TACR3: variants seen among roughly 807,000 people sequenced by gnomAD.
TACR3 encodes the protein tachykinin receptor 3.
Under a neutral mutation model 35.0 loss-of-function variants are expected in TACR3, and 34 were observed. That is an observed-to-expected ratio of 0.97 (90% CI 0.74 to 1.30). TACR3 has a LOEUF of 1.30. Among genes scored for constraint, TACR3 ranks in the 50% most tolerant of loss-of-function variants. The probability of loss-of-function intolerance (pLI) is 0.00; values close to 1 mark genes in which losing one functional copy is unlikely to be tolerated. For synonymous variants in TACR3, 233 were observed against 221.1 expected (o/e 1.05, Z -0.48); for missense variants, 558 against 591.7 (o/e 0.94, Z 0.59).
intron 1 of TACR3, among the ~76,000 whole-genome samples, chr4:103,708,295 G>A (rs1200737993): frequency 2.6e-5 from 4 of 151,506 alleles, no homozygotes; most frequent in Admixed American, 1.3e-4. Flanking sequence ...GTACCACTCT[G>A]AGATGAAGCT....
chr4:103,604,693 G>GA (rs974722779), intron 3 of TACR3, among the ~76,000 whole-genome samples: 5 of 151,210 alleles, frequency 3.3e-5, no homozygotes, highest in South Asian at 2.1e-4. Flanking sequence ...AAATTTACAA[G>GA]AAAAAAAACA....
intron 3 of TACR3, among the ~76,000 whole-genome samples, chr4:103,599,081 C>T (rs184348647): frequency 0.033 from 5,088 of 152,270 alleles, 322 homozygotes; most frequent in African/African-American, 0.12. Context: ...TCTTCCTACC[C>T]ATGAACATGG....
chr4:103,658,461 G>C, intron 1 of TACR3, 58 bp from the exon 2 acceptor site: 2 of 1,516,516 alleles, frequency 1.3e-6, no homozygotes, highest in Non-Finnish European at 1.8e-6. Flanking sequence ...AGTTTGAAAT[G>C]GAGTTTCAAA....
At chr4:103,604,083 A>G (rs1364997981) in intron 3 of TACR3, among the ~76,000 whole-genome samples, 3 of 152,202 alleles carry the variant, frequency 2.0e-5, no homozygotes. Flanking sequence ...TATCTCCAAG[A>G]CAATCCTAAG....
intron 3 of TACR3, among the ~76,000 whole-genome samples, chr4:103,642,514 G>A (rs1299680797): frequency 6.6e-6 from 1 of 151,750 alleles, no homozygotes; most frequent in Non-Finnish European, 1.5e-5. Context: ...CAGCAACATA[G>A]ATGGAACTGG....
At chr4:103,679,024 A>G (rs1044940923) in intron 1 of TACR3, among the ~76,000 whole-genome samples, 8 of 151,972 alleles carry the variant, frequency 5.3e-5, no homozygotes, top group African/African-American at 1.7e-4. Context: ...GAAAGTTCAC[A>G]CCAAATTATT....
intron 1 of TACR3, among the ~76,000 whole-genome samples, chr4:103,663,232 A>T (rs1418353885): frequency 2.0e-5 from 3 of 152,020 alleles, no homozygotes; most frequent in African/African-American, 4.8e-5. Flanking sequence ...AGTGGCTCAC[A>T]CCTGTAACCC....
At chr4:103,626,900 C>T (rs553059062) in intron 3 of TACR3, among the ~76,000 whole-genome samples, 22 of 151,840 alleles carry the variant, frequency 1.4e-4, no homozygotes, top group African/African-American at 4.3e-4. Flanking sequence ...TGGGGCCGAG[C>T]GCGGTAGCTC....
At chr4:103,700,711 T>C (rs536778908) in intron 1 of TACR3, among the ~76,000 whole-genome samples, 1 of 152,304 alleles carries the variant, frequency 6.6e-6, no homozygotes, top group Admixed American at 6.5e-5. Context: ...CAAGATCAAG[T>C]GGGCTTCATC....
At chr4:103,702,391 T>G (rs751148018) in intron 1 of TACR3, among the ~76,000 whole-genome samples, 1 of 152,018 alleles carries the variant, frequency 6.6e-6, no homozygotes, top group Non-Finnish European at 1.5e-5. Flanking sequence ...CATTAAAAAG[T>G]CAGGAAACAA....
intron 3 of TACR3, among the ~76,000 whole-genome samples, chr4:103,637,004 G>C (rs1725208956): frequency 6.6e-6 from 1 of 152,050 alleles, no homozygotes; most frequent in South Asian, 2.1e-4. Flanking sequence ...AATTCTACCA[G>C]AGGTACAAGG....
At position 103,621,279 on chromosome 4, in the gene TACR3, C is replaced by A. The variant is rs182625250; in HGVS notation, c.889-29596G>T. Among the ~76,000 whole-genome samples, 199 of 152,238 alleles carry A rather than the reference C, an allele frequency of 1.3e-3. 2 individuals carry two copies. The highest frequency in any genetic ancestry group is 4.6e-3 in the African/African-American group (192 of 41,526). On this transcript the variant is annotated intron_variant, in intron 3 of 4. Coordinates refer to ENST00000304883, the MANE Select transcript of TACR3 (RefSeq NM_001059.3). ...AAACTCATGCCTCCTTCTAGTATTA[C>A]GAATAGTTTCGCTGAGTGGGATGTA...
chr4:103,713,853 AG>A (rs1723027094), intron 1 of TACR3, among the ~76,000 whole-genome samples: 1 of 152,134 alleles, frequency 6.6e-6, no homozygotes, highest in African/African-American at 2.4e-5. Flanking sequence ...CTAAGGAGGA[AG>A]GATATCAGAA....
At chr4:103,678,141 T>C (rs1232143509) in intron 1 of TACR3, among the ~76,000 whole-genome samples, 1 of 152,144 alleles carries the variant, frequency 6.6e-6, no homozygotes, top group Non-Finnish European at 1.5e-5. Context: ...GCTCAGTGAT[T>C]CAAGGATTAA....
At chr4:103,683,560 G>A (rs1722153220) in intron 1 of TACR3, among the ~76,000 whole-genome samples, 1 of 149,186 alleles carries the variant, frequency 6.7e-6, no homozygotes, top group Non-Finnish European at 1.5e-5. Flanking sequence ...AGAGAAACAG[G>A]CATTCAAAAA....
chr4:103,598,803 A>G (rs952266890), intron 3 of TACR3, among the ~76,000 whole-genome samples: 16 of 152,060 alleles, frequency 1.1e-4, no homozygotes, highest in Non-Finnish European at 2.2e-4. Context: ...GTTCTGTTCC[A>G]TTGGTCTATA....
intron 3 of TACR3, among the ~76,000 whole-genome samples, chr4:103,622,902 AAGAAACTACACTTCCAAAAATAAAAT>A (rs1724814027): frequency 6.6e-6 from 1 of 152,174 alleles, no homozygotes; most frequent in Non-Finnish European, 1.5e-5. Context: ...ACCCAATTTT[AAGAAACTACACTTCCAAAAATAAAAT>A]AAAATGCATG....
At chr4:103,594,273 G>A (rs1044571487) in intron 3 of TACR3, among the ~76,000 whole-genome samples, 3 of 151,860 alleles carry the variant, frequency 2.0e-5, no homozygotes, top group Admixed American at 6.6e-5. Flanking sequence ...TGCCTCCCGG[G>A]TTCAAGTAAT....
chr4:103,642,685 A>G (rs532241021), intron 3 of TACR3, among the ~76,000 whole-genome samples: 1 of 151,794 alleles, frequency 6.6e-6, no homozygotes, highest in East Asian at 1.9e-4. Context: ...AGTTAAGGAG[A>G]GGTTGGTTAA....
Sources: allele counts gnomAD v4.1 joint callset (sites outside exome capture counted in the v4.1 genomes callset), GRCh38; gene constraint gnomAD v4.1.1; transcripts MANE v1.5; gene names NCBI Gene and HGNC (gene_info 2026-07-23, HGNC 2026-07-21).